The following LYPLA1 variants were observed in gnomAD, a reference collection of about 807,000 sequenced individuals.
LYPLA1 encodes the protein acyl-protein thioesterase 1.
A neutral mutation model predicts 34.0 loss-of-function variants in LYPLA1; 17 were observed. That is an observed-to-expected ratio of 0.50 (90% confidence interval 0.34 to 0.75). The LOEUF (loss-of-function observed/expected upper bound fraction) is 0.75, where lower values mean the gene tolerates loss of function less well. LYPLA1 is among the 30% of genes least tolerant of loss of function. The pLI is 0.01. For missense variants in LYPLA1, 203 were observed against 288.8 expected (o/e 0.70, Z 2.15); for synonymous variants, 98 against 100.8 (o/e 0.97, Z 0.17).
chr8:54,092,359 GGAGAAGGAA>G (rs1164870321), intron 2 of LYPLA1, among the ~76,000 whole-genome samples: 37 of 151,710 alleles, frequency 2.4e-4, no homozygotes, highest in Non-Finnish European at 1.5e-5. Flanking sequence ...AGGAGGAGAA[GGAGAAGGAA>G]GAGGAGGAAG....
At chr8:54,096,103 C>G (rs930462155) in intron 2 of LYPLA1, among the ~76,000 whole-genome samples, 1 of 152,110 alleles carries the variant, frequency 6.6e-6, no homozygotes, top group African/African-American at 2.4e-5. Flanking sequence ...AAAATGTACA[C>G]TGAAGAATTA....
intron 2 of LYPLA1, chr8:54,073,083 A>T: frequency 1.7e-6 from 1 of 596,792 alleles, no homozygotes; most frequent in South Asian, 1.7e-5. Flanking sequence ...AAGTCAAAAA[A>T]GGTCGTTAAG....
chr8:54,101,129 T>C (rs1810105051), intron 1 of LYPLA1, among the ~76,000 whole-genome samples, 190 bp from the exon 2 acceptor site: 1 of 142,808 alleles, frequency 7.0e-6, no homozygotes, highest in Admixed American at 6.8e-5. Context: ...CTCCCTTTAT[T>C]TCCTGAGATA....
At chr8:54,056,844 C>T (rs565327392) in intron 5 of LYPLA1, among the ~76,000 whole-genome samples, 28 of 152,156 alleles carry the variant, frequency 1.8e-4, no homozygotes, top group African/African-American at 5.1e-4. Context: ...ACTCGGGAGA[C>T]GGAGGTTGCA....
intron 5 of LYPLA1, among the ~76,000 whole-genome samples, chr8:54,056,816 G>A (rs1356378684): frequency 6.6e-6 from 1 of 152,148 alleles, no homozygotes; most frequent in Non-Finnish European, 1.5e-5. Flanking sequence ...GGGAGGCTGA[G>A]GCAGGAGAAT....
chr8:54,051,065 C>A lies in LYPLA1; in HGVS notation c.586G>T (p.Ala196Ser). ...TCATAGGTTTTAAAGGTCACATTGG[C>A]TGGATTCACCAATGTTTTTAGTTTT... ...VEKLKTLVNPANVTFKTYEGM... is the reference protein window; with the variant it reads ...VEKLKTLVNPSNVTFKTYEGM... Residue 196 changes from alanine (A) to serine (S), a missense_variant, in exon 8 of 9, where the codon GCC becomes TCC. Ala to Ser is a moderately conservative substitution (Grantham distance 99). This residue lies in a region of LYPLA1 where 123 missense variants were observed against 199.2 expected (regional missense o/e 0.62). Coordinates refer to ENST00000316963, the MANE Select transcript of LYPLA1 (RefSeq NM_006330.4). 1 of 1,613,866 alleles carries A rather than the reference C, an allele frequency of 6.2e-7. No homozygotes were observed.
intron 5 of LYPLA1, among the ~76,000 whole-genome samples, chr8:54,056,635 C>A (rs1468185309): frequency 6.6e-6 from 1 of 152,114 alleles, no homozygotes; most frequent in Non-Finnish European, 1.5e-5. Flanking sequence ...ATGGGCCAGG[C>A]CGGGCACAGT....
chr8:54,064,841 A>G (rs1432697906), intron 3 of LYPLA1, among the ~76,000 whole-genome samples: 1 of 152,212 alleles, frequency 6.6e-6, no homozygotes, highest in Non-Finnish European at 1.5e-5. Flanking sequence ...CTGATGAGGT[A>G]AAAAATAAAA....
intron 2 of LYPLA1, among the ~76,000 whole-genome samples, chr8:54,096,775 G>A (rs1045318060): frequency 2.6e-5 from 4 of 151,822 alleles, no homozygotes; most frequent in Non-Finnish European, 4.4e-5. Flanking sequence ...CGGGTGTGGC[G>A]GCACGCACCT....
At chr8:54,043,729 T>C (rs986255026), downstream of LYPLA1, among the ~76,000 whole-genome samples, 9 of 151,650 alleles carry the variant, frequency 5.9e-5, no homozygotes, top group Admixed American at 5.3e-4. Context: ...TCCCGGCTAA[T>C]TTCATATTTT....
At chr8:54,101,433 G>C (rs1371684000) in intron 1 of LYPLA1, 1 of 1,083,016 alleles carries the variant, frequency 9.2e-7, no homozygotes, top group Non-Finnish European at 1.1e-6. Flanking sequence ...GGCGGACTTA[G>C]GTTTCCCTCA....
rs1479600446 is a variant in LYPLA1, at chr8:54,078,978, C to T, written c.102-13165G>A. 2.0e-5 allele frequency among the ~76,000 whole-genome samples: 3 copies of T among 150,434 alleles called. No individual in the cohort carries two copies. In the East Asian group the frequency reaches 5.9e-4, roughly 30 times the overall value. On this transcript the variant is annotated intron_variant, in intron 2 of 8. Transcript: ENST00000316963. ...TCAATGTACGTATTTTCAGTGTTAA[C>T]AGCCACTAAGTTTTCTTCTTTTTTT...
At chr8:54,089,216 A>C (rs1563656576) in intron 2 of LYPLA1, among the ~76,000 whole-genome samples, 1 of 152,202 alleles carries the variant, frequency 6.6e-6, no homozygotes, top group East Asian at 1.9e-4. Flanking sequence ...TGTGAATTAT[A>C]TCTCTATAAG....
At chr8:54,088,765 C>T (rs1808986150) in intron 2 of LYPLA1, among the ~76,000 whole-genome samples, 1 of 152,192 alleles carries the variant, frequency 6.6e-6, no homozygotes, top group South Asian at 2.1e-4. Flanking sequence ...TCTTAAGAGA[C>T]AGAGTCTCAC....
intron 2 of LYPLA1, among the ~76,000 whole-genome samples, chr8:54,074,141 G>C (rs2129343493): frequency 6.6e-6 from 1 of 152,302 alleles, no homozygotes; most frequent in South Asian, 2.1e-4. Flanking sequence ...GGGTGTGGTG[G>C]CGGGAGCCTG....
chr8:54,043,518 C>G (rs1260329090), downstream of LYPLA1, among the ~76,000 whole-genome samples: 1 of 152,058 alleles, frequency 6.6e-6, no homozygotes, highest in Non-Finnish European at 1.5e-5. Flanking sequence ...TCATGATCCA[C>G]CTGCCTCAGC....
At chr8:54,044,853 T>C (rs934815130), downstream of LYPLA1, 1 of 152,242 alleles carries the variant, frequency 6.6e-6, no homozygotes, top group Non-Finnish European at 1.5e-5. Flanking sequence ...AACTGTGTCA[T>C]GCGGGTTTTT....
At chr8:54,075,975 T>C (rs976419519) in intron 2 of LYPLA1, among the ~76,000 whole-genome samples, 1 of 152,186 alleles carries the variant, frequency 6.6e-6, no homozygotes, top group African/African-American at 2.4e-5. Flanking sequence ...TCAGTCTGTG[T>C]GCCACGGTCA....
At chr8:54,051,518 G>A (rs7001356) in intron 7 of LYPLA1, among the ~76,000 whole-genome samples, 8,433 of 152,132 alleles carry the variant, frequency 0.055, 756 homozygotes, top group African/African-American at 0.19. Flanking sequence ...CGTGATCTCA[G>A]CTCACTGCAA....
Sources: gnomAD v4.1 joint callset for allele counts (sites outside exome capture counted in the v4.1 genomes callset) on GRCh38, gnomAD v4.1.1 for gene constraint, gnomAD v4.1.1 regional missense constraint, MANE v1.5 for transcripts, NCBI Gene and HGNC (gene_info 2026-07-23, HGNC 2026-07-21) for gene names.